The following SYNE3 variants were observed in gnomAD, a reference collection of about 807,000 sequenced individuals.
SYNE3 encodes the protein nesprin-3.
Under a neutral mutation model 111.2 loss-of-function variants are expected in SYNE3, and 100 were observed. That is an observed-to-expected ratio of 0.90 (90% CI 0.77 to 1.06). The LOEUF is 1.06. Ranked by LOEUF, SYNE3 falls within the 50% of genes least tolerant of loss-of-function variation. The pLI is 0.00. For missense variants in SYNE3, 1,160 were observed against 1,240.3 expected (o/e 0.94, Z 0.97); for synonymous variants, 547 against 533.9 (o/e 1.02, Z -0.34).
At chr14:95,455,166 T>C (rs369920337) in intron 6 of SYNE3, among the ~76,000 whole-genome samples, 3 of 152,196 alleles carry the variant, frequency 2.0e-5, no homozygotes, top group African/African-American at 7.2e-5. Flanking sequence ...AAAAAGTCTC[T>C]GTAGGCCCCA....
In SYNE3 at chr14:95,436,864, T is replaced by G; in HGVS notation, c.2494A>C (p.Thr832Pro). The change falls in exon 15 of 18, where the codon ACT becomes CCT. Residue 832 changes from threonine to proline, a missense_variant. Thr to Pro is a conservative substitution (Grantham distance 38). Coordinates refer to ENST00000682763, the MANE Select transcript of SYNE3 (RefSeq NM_152592.6). ...GTCCTCAAGTCCTCAGCTGTAGAAG[T>G]TCTCATTGCGATGATTCTAACCAGC... ...SKLVRIIAMR[T>P]STAEDLRTRK... is the part of the protein sequence containing the mutation. The G allele has an allele frequency of 6.2e-7, 1 of 1,614,194 alleles. No homozygotes were observed. Among genetic ancestry groups the G allele is most frequent in the Non-Finnish European group, 8.5e-7 (1 of 1,180,030 alleles).
chr14:95,474,820 T>C (rs137912612), intron 2 of SYNE3, among the ~76,000 whole-genome samples: 1 of 152,338 alleles, frequency 6.6e-6, no homozygotes, highest in Non-Finnish European at 1.5e-5. Flanking sequence ...CCAGCCTGGC[T>C]GGGTGACTGG....
chr14:95,491,448 A>C (rs1261284140), intron 1 of SYNE3, among the ~76,000 whole-genome samples: 2 of 152,236 alleles, frequency 1.3e-5, no homozygotes, highest in Non-Finnish European at 2.9e-5. Flanking sequence ...TTAATTTTCA[A>C]CAAGGGTGCC....
intron 1 of SYNE3, among the ~76,000 whole-genome samples, chr14:95,515,253 T>C (rs1180967964): frequency 6.6e-6 from 1 of 152,244 alleles, no homozygotes; most frequent in Non-Finnish European, 1.5e-5. Flanking sequence ...GCTGTGGCTG[T>C]CAGCCTGCCG....
chr14:95,421,119 G>A (rs562590478), intron 17 of SYNE3, among the ~76,000 whole-genome samples: 24 of 152,250 alleles, frequency 1.6e-4, no homozygotes, highest in Non-Finnish European at 3.1e-4. Flanking sequence ...CCCCAGCCAC[G>A]TGGAACTGTG....
chr14:95,511,928 G>A (rs1292829615), intron 1 of SYNE3, among the ~76,000 whole-genome samples: 2 of 143,328 alleles, frequency 1.4e-5, no homozygotes, highest in Admixed American at 1.3e-4. Context: ...GTGTGACCTC[G>A]GCCAGGACAC....
chr14:95,513,411 A>G (rs986306882), intron 1 of SYNE3, among the ~76,000 whole-genome samples: 1 of 152,182 alleles, frequency 6.6e-6, no homozygotes, highest in African/African-American at 2.4e-5. Context: ...CTCTGGTGTT[A>G]CAATGATAGT....
At chr14:95,449,104 G>T (rs1234563607) in intron 8 of SYNE3, among the ~76,000 whole-genome samples, 2 of 152,094 alleles carry the variant, frequency 1.3e-5, no homozygotes, top group African/African-American at 4.8e-5. Flanking sequence ...GTATGTACAG[G>T]CACACTGGGG....
In SYNE3 at chr14:95,418,005, C is replaced by A. The variant is rs912858087; in HGVS notation, c.2749G>T (p.Gly917Cys). ...CAGCACGCCCTCCGGAAGAGGGAGC[C>A]CAGTCCTCGCCACCGCCGAGTCTGC... ...FQKTRRWRGL[G>C]SLFRRACCVA... Residue 917 changes from glycine (G) to cysteine (C), a missense_variant, in exon 18 of 18, where the codon GGC becomes TGC. Transcript: ENST00000682763. 1.2e-6 allele frequency: 2 copies of A among 1,610,946 alleles called. No individual in the cohort carries two copies. Among genetic ancestry groups the A allele is most frequent in the Non-Finnish European group, 1.7e-6 (2 of 1,179,772 alleles).
intron 1 of SYNE3, among the ~76,000 whole-genome samples, chr14:95,513,816 A>C (rs1890812868): frequency 7.4e-6 from 1 of 134,722 alleles, no homozygotes; most frequent in Non-Finnish European, 1.6e-5. Flanking sequence ...TGACTTAATG[A>C]AGACAAGCAT....
chr14:95,415,276 G>GCCCCCGGGGGGGGGGGGCC lies in SYNE3; in HGVS notation c.*2549_*2550insGGCCCCCCCCCCCCGGGGG. ...CATAGGAAAGTGGACACCTGGCAAG[G>GCCCCCGGGGGGGGGGGGCC]CCCCCCCACCCACCCACCCTGCCAC... On this transcript the variant is annotated 3_prime_UTR_variant, in exon 18 of 18. Coordinates refer to ENST00000682763, the MANE Select transcript of SYNE3 (RefSeq NM_152592.6). 1 of 139,702 alleles carries GCCCCCGGGGGGGGGGGGCC rather than the reference G, an allele frequency of 7.2e-6. No homozygotes were observed. Among genetic ancestry groups the GCCCCCGGGGGGGGGGGGCC allele is most frequent in the East Asian group, 2.2e-4 (1 of 4,550 alleles). The allele number at this position is 139,702 out of a possible 1,614,324, so 8.7% of individuals were successfully genotyped here. A position where few individuals can be genotyped will look rare whatever the true frequency, so the allele number is the denominator to read the frequency against.
rs968344741 is a variant in SYNE3, at chr14:95,443,240, C to T, written c.1826G>A (p.Arg609Lys). The T allele has an allele frequency of 1.2e-6, 2 of 1,614,092 alleles. No homozygotes were observed. The highest frequency in any genetic ancestry group is 2.7e-5 in the African/African-American group (2 of 74,930). The change falls in exon 11 of 18, where the codon AGG (arginine) becomes AAG (lysine). Residue 609 changes from arginine to lysine, a missense_variant. Arg to Lys is a conservative substitution (Grantham distance 26, BLOSUM62 2). Transcript: ENST00000682763. The part of the protein sequence containing the change: ...LDLGAQMEAA[R>K]PLVQENPNHQ... Reference sequence around the variant, plus strand: ...GTTGGGGTTCTCCTGGACCAGAGGCCTTGCAGCCTCCATCTGTGCCCCCAA... The same window carrying T: ...GTTGGGGTTCTCCTGGACCAGAGGCTTTGCAGCCTCCATCTGTGCCCCCAA...
chr14:95,480,338 TG>T (rs1256352169), intron 1 of SYNE3, among the ~76,000 whole-genome samples: 2 of 152,072 alleles, frequency 1.3e-5, no homozygotes, highest in Non-Finnish European at 2.9e-5. Flanking sequence ...GAAACAGCCT[TG>T]GGTTTGGGTT....
chr14:95,467,685 C>A, intron 3 of SYNE3, 110 bp downstream of exon 3: 1 of 1,335,392 alleles, frequency 7.5e-7, no homozygotes, highest in Non-Finnish European at 1.0e-6. Context: ...ATCCTGTCCC[C>A]CAGAATCCCA....
In SYNE3 at chr14:95,417,810, T is replaced by C. The variant is rs372010389; in HGVS notation, c.*16A>G. The C allele has an allele frequency of 6.2e-7, 1 of 1,613,932 alleles. No homozygotes were observed. The highest frequency in any genetic ancestry group is 8.5e-7 in the Non-Finnish European group (1 of 1,179,890). On this transcript the variant is annotated 3_prime_UTR_variant, in exon 18 of 18. Transcript: ENST00000682763. Reference sequence around the variant, plus strand: ...ATGGAGGTTGGAGGAGAAAGTCACCTGTGTGCCCCAGTGGGTTAGGTGGGT... The same window carrying C: ...ATGGAGGTTGGAGGAGAAAGTCACCCGTGTGCCCCAGTGGGTTAGGTGGGT...
chr14:95,439,880 C>CT, intron 12 of SYNE3, 34 bp downstream of exon 12: 1 of 1,601,076 alleles, frequency 6.2e-7, no homozygotes, highest in Non-Finnish European at 8.5e-7. Flanking sequence ...AAGGCTGCTT[C>CT]TTTGGGAAGT....
intron 2 of SYNE3, among the ~76,000 whole-genome samples, chr14:95,471,817 A>T (rs948073252): frequency 6.6e-6 from 1 of 152,208 alleles, no homozygotes; most frequent in Non-Finnish European, 1.5e-5. Flanking sequence ...GCAGCCAATG[A>T]GGGCAAGGGG....
At position 95,449,179 on chromosome 14, in the gene SYNE3, C is replaced by T. The variant is rs766730357; in HGVS notation, c.1449+752G>A. Among the ~76,000 whole-genome samples the T allele has an allele frequency of 7.2e-5, 11 of 152,336 alleles. No homozygotes were observed. The South Asian group carries it at 1.9e-3, about 26-fold the overall frequency. ...GCTCATCCCACAGCCATACCTCCTT[C>T]TCTCTTCCCAAACAACCAGCATTTT... On this transcript the variant is annotated intron_variant, in intron 8 of 17. Transcript: ENST00000682763.
chr14:95,494,798 T>C (rs901797339), intron 1 of SYNE3, among the ~76,000 whole-genome samples: 2 of 152,276 alleles, frequency 1.3e-5, no homozygotes, highest in Admixed American at 6.5e-5. Flanking sequence ...TCCTATTTAT[T>C]GTAAACCTGC....
Sources: allele counts gnomAD v4.1 joint callset (sites outside exome capture counted in the v4.1 genomes callset), GRCh38; gene constraint gnomAD v4.1.1; transcripts MANE v1.5; gene names NCBI Gene and HGNC (gene_info 2026-07-23, HGNC 2026-07-21).